The following SLC15A5 variants were observed in gnomAD, a reference collection of about 807,000 sequenced individuals.
SLC15A5 encodes solute carrier family 15 member 5.
In SLC15A5, 58 loss-of-function variants were observed where a neutral mutation model predicts 56.1. The ratio of observed to expected loss-of-function variants is 1.03; its 90% CI spans 0.84 to 1.29. The LOEUF is 1.29. Ranked by LOEUF, SLC15A5 falls within the 50% of genes most tolerant of loss-of-function variation. The pLI, the probability that SLC15A5 is intolerant of heterozygous loss-of-function variation, is 0.00. For synonymous variants in SLC15A5, 264 were observed against 250.5 expected (o/e 1.05, Z -0.51); for missense variants, 681 against 672.1 (o/e 1.01, Z -0.15).
intron 5 of SLC15A5, among the ~76,000 whole-genome samples, chr12:16,228,970 A>T (rs950227665): frequency 6.6e-6 from 1 of 152,086 alleles, no homozygotes; most frequent in Admixed American, 6.5e-5. Context: ...GCGTTGTTCA[A>T]GGGTCAACTG....
intron 5 of SLC15A5, among the ~76,000 whole-genome samples, chr12:16,228,934 T>C (rs1168875485): frequency 1.3e-5 from 2 of 152,204 alleles, no homozygotes; most frequent in South Asian, 2.1e-4. Context: ...TTTTTGACTG[T>C]GTGGGGCTTG....
intron 8 of SLC15A5, among the ~76,000 whole-genome samples, chr12:16,192,986 G>A (rs1307319389): frequency 6.6e-6 from 1 of 152,086 alleles, no homozygotes; most frequent in African/African-American, 2.4e-5. Context: ...CAACTTGGGT[G>A]ACTAAATTAT....
intron 2 of SLC15A5, among the ~76,000 whole-genome samples, chr12:16,266,903 A>C (rs1189131037): frequency 6.6e-6 from 1 of 152,218 alleles, no homozygotes; most frequent in Non-Finnish European, 1.5e-5. Flanking sequence ...TATAAGTGGT[A>C]ATTTTTTTGT....
intron 7 of SLC15A5, among the ~76,000 whole-genome samples, chr12:16,206,164 A>G (rs1490416255): frequency 6.6e-6 from 1 of 152,168 alleles, no homozygotes; most frequent in Non-Finnish European, 1.5e-5. Context: ...TAGTGTAGTA[A>G]AAAGAGCTTT....
chr12:16,217,753 C>G (rs1490055011), intron 6 of SLC15A5, among the ~76,000 whole-genome samples: 2 of 151,916 alleles, frequency 1.3e-5, no homozygotes, highest in African/African-American at 2.4e-5. Context: ...GTACAAAGCC[C>G]TTAATATGCA....
chr12:16,191,103 T>A (rs1364025279), intron 8 of SLC15A5, among the ~76,000 whole-genome samples: 1 of 152,156 alleles, frequency 6.6e-6, no homozygotes, highest in Non-Finnish European at 1.5e-5. Flanking sequence ...GTATGACATG[T>A]CACTAATGCA....
At chr12:16,208,775 A>G (rs1864047141) in intron 7 of SLC15A5, among the ~76,000 whole-genome samples, 1 of 152,178 alleles carries the variant, frequency 6.6e-6, no homozygotes, top group Non-Finnish European at 1.5e-5. Flanking sequence ...ATGAGGAATT[A>G]TTTTTTAGTG....
rs139261888 is a variant in SLC15A5, at chr12:16,224,576, A to G, written c.1189T>C (p.Ser397Pro). Residue 397 changes from serine (S) to proline (P), a missense_variant, in exon 6 of 9, where the codon TCT becomes CCT. Ser to Pro is a moderately conservative substitution (Grantham distance 74). Transcript: ENST00000344941. Reference sequence around the variant, plus strand: ...TCAAAGAAGCCAGCTATCATCACAGACAATGCAGCAAAAAGATTTCCAGCA... The same window carrying G: ...TCAAAGAAGCCAGCTATCATCACAGGCAATGCAGCAAAAAGATTTCCAGCA... Reference protein sequence around the residue: ...IIAGNLFAALSVMIAGFFEIH... With the variant: ...IIAGNLFAALPVMIAGFFEIH... 4.5e-4 allele frequency: 688 copies of G among 1,533,672 alleles called. 9 individuals are homozygous for G. In the East Asian group the frequency reaches 0.016, roughly 36 times the overall value.
chr12:16,220,560 A>G (rs961370586), intron 6 of SLC15A5, among the ~76,000 whole-genome samples: 1 of 152,188 alleles, frequency 6.6e-6, no homozygotes, highest in Non-Finnish European at 1.5e-5. Context: ...TTTGCCACCT[A>G]TTTTAATAAA....
At chr12:16,209,133 T>G (rs990622801) in intron 7 of SLC15A5, among the ~76,000 whole-genome samples, 2 of 152,114 alleles carry the variant, frequency 1.3e-5, no homozygotes, top group African/African-American at 4.8e-5. Flanking sequence ...GTTGCTAAAT[T>G]TTATGAATAC....
At position 16,193,780 on chromosome 12, in the gene SLC15A5, G is replaced by GGAGCGAGAGAGA. The variant is rs763515940; in HGVS notation, c.1592+564_1592+565insTCTCTCTCGCTC. 2.7e-3 allele frequency among the ~76,000 whole-genome samples: 206 copies of GGAGCGAGAGAGA among 75,770 alleles called. 51 individuals carry two copies. Among genetic ancestry groups the GGAGCGAGAGAGA allele is most frequent in the East Asian group, 7.9e-3 (16 of 2,034 alleles). The allele number at this position is 75,770 out of a possible 152,430, so 49.7% of individuals were successfully genotyped here. A position where few individuals can be genotyped will look rare whatever the true frequency, so the allele number is the denominator to read the frequency against. On this transcript the variant is annotated intron_variant, in intron 8 of 8. Coordinates refer to ENST00000344941, the MANE Select transcript of SLC15A5 (RefSeq NM_001170798.1). ...ACAGCTGTCCAAGAATATGTCAAGG[G>GGAGCGAGAGAGA]GAGAGAGAGAGAGAGAGAGAGAGAG...
rs997913370 is a variant in SLC15A5 at position 16,269,729 on chromosome 12, T to C, written c.584+2832A>G. Among the ~76,000 whole-genome samples the C allele has an allele frequency of 7.9e-5, 12 of 152,188 alleles. No homozygotes were observed. Among genetic ancestry groups the C allele is most frequent in the Admixed American group, 6.5e-4 (10 of 15,278 alleles). On this transcript the variant is annotated intron_variant, in intron 2 of 8. Coordinates refer to ENST00000344941, the MANE Select transcript of SLC15A5 (RefSeq NM_001170798.1). The surrounding 1 kb of genome is among the most constrained non-coding windows in gnomAD (Gnocchi z 4.7). ...ACTTTACCAATATTCTATTTGGGCT[T>C]TTAATCATGTATATAATTCACCCTA...
Position 16,217,030 on chromosome 12 carries a change from A to G in SLC15A5, c.1352-6T>C. ...TCTGTATGATATTACAGAGACTGAG[A>G]GAAAAAGAGAGGTCAGAATTTAGAA... On this transcript the variant is annotated splice_region_variant and splice_polypyrimidine_tract_variant and intron_variant, in intron 6 of 8. Transcript: ENST00000344941. 1 of 1,529,690 alleles carries G rather than the reference A, an allele frequency of 6.5e-7. No homozygotes were observed. The allele number at this position is 1,529,690 out of a possible 1,614,324, so 94.8% of individuals were successfully genotyped here.
At chr12:16,251,224 G>T (rs1188951589) in intron 3 of SLC15A5, among the ~76,000 whole-genome samples, 4 of 151,732 alleles carry the variant, frequency 2.6e-5, no homozygotes, top group Non-Finnish European at 2.9e-5. Flanking sequence ...AATGGCAAAT[G>T]TTTACATTAA....
chr12:16,204,867 C>A (rs1591640929), intron 7 of SLC15A5, among the ~76,000 whole-genome samples: 1 of 151,766 alleles, frequency 6.6e-6, no homozygotes, highest in East Asian at 1.9e-4. Context: ...AAAATTAGTC[C>A]AAAATGGGAA....
chr12:16,230,757 CAAA>C (rs59876940), intron 5 of SLC15A5, among the ~76,000 whole-genome samples: 33,506 of 129,530 alleles, frequency 0.26, 4,778 homozygotes, highest in East Asian at 0.38. Context: ...ACTAAAAATA[CAAA>C]AAAAAAAAAA....
chr12:16,267,819 A>G (rs1415395018), intron 2 of SLC15A5, among the ~76,000 whole-genome samples: 1 of 90,290 alleles, frequency 1.1e-5, no homozygotes, highest in Non-Finnish European at 2.1e-5. Context: ...GCTCACTGTA[A>G]TCTCAGCCTC....
intron 1 of SLC15A5, among the ~76,000 whole-genome samples, chr12:16,276,260 C>T (rs918857872): frequency 2.0e-5 from 3 of 151,896 alleles, no homozygotes; most frequent in African/African-American, 7.2e-5. Flanking sequence ...TAATTTACCA[C>T]CTGCCTGAGA....
chr12:16,272,431 A>G, intron 2 of SLC15A5, 130 bp downstream of exon 2: 1 of 848,504 alleles, frequency 1.2e-6, no homozygotes. Flanking sequence ...AATCATCATC[A>G]CAGATTCATC....
Sources: allele counts gnomAD v4.1 joint callset (sites outside exome capture counted in the v4.1 genomes callset), GRCh38; gene constraint gnomAD v4.1.1; non-coding constraint Gnocchi (gnomAD v3.1); transcripts MANE v1.5; gene names NCBI Gene and HGNC (gene_info 2026-07-23, HGNC 2026-07-21).